Variants in UBAP1 observed in about 807,000 individuals in gnomAD.
The protein encoded by UBAP1 is ubiquitin associated protein 1.
Under a neutral mutation model 39.0 loss-of-function variants are expected in UBAP1, and 5 were observed. The ratio of observed to expected loss-of-function variants is 0.13; its 90% CI spans 0.07 to 0.27. The LOEUF is 0.27. Ranked by LOEUF, UBAP1 falls within the 10% of genes least tolerant of loss-of-function variation. The pLI is 1.00. For synonymous variants in UBAP1, 211 were observed against 225.1 expected (o/e 0.94, Z 0.56); for missense variants, 490 against 608.1 (o/e 0.81, Z 2.04).
chr9:34,203,153 A>G (rs1447893367), intron 1 of UBAP1, among the ~76,000 whole-genome samples: 2 of 152,296 alleles, frequency 1.3e-5, no homozygotes, highest in Non-Finnish European at 2.9e-5. Flanking sequence ...TGGATAAAAC[A>G]TAAATAATCA....
In UBAP1 at chr9:34,205,520, G is replaced by T. The variant is rs191971393; in HGVS notation, c.-7-15388G>T. On this transcript the variant is annotated intron_variant, in intron 1 of 6. Coordinates refer to ENST00000297661, the MANE Select transcript of UBAP1 (RefSeq NM_016525.5). ...TACATGTTAGGTATAATTATTAGTT[G>T]TACAATTAGCTATTAAATTTTCAGA... Among the ~76,000 whole-genome samples the T allele has an allele frequency of 2.0e-5, 3 of 152,172 alleles. No individual in the cohort carries two copies. In the East Asian group the frequency reaches 5.8e-4, roughly 29 times the overall value.
At chr9:34,197,966 G>C (rs1156290694) in intron 1 of UBAP1, among the ~76,000 whole-genome samples, 1 of 152,244 alleles carries the variant, frequency 6.6e-6, no homozygotes, top group Non-Finnish European at 1.5e-5. Context: ...TCACCAGTCA[G>C]CCTAACCTGG....
chr9:34,224,525 T>C (rs1832946400), intron 2 of UBAP1: 2 of 427,712 alleles, frequency 4.7e-6, no homozygotes, highest in Non-Finnish European at 8.2e-6. Flanking sequence ...AATGTTGGTG[T>C]TGGCAGCTGG....
rs779246016 is a variant in UBAP1 at position 34,241,942 on chromosome 9, C to T, written c.917C>T (p.Thr306Ile). 6.2e-7 allele frequency: 1 copy of T among 1,614,206 alleles called. No homozygotes were observed. The highest frequency in any genetic ancestry group is 1.1e-5 in the South Asian group (1 of 91,084). ...TTCCAGAATTCCCTAAAGCCTTCCA[C>T]CCAAAGCAGTGCCAGTGAGCTCAAT... The part of the protein sequence containing the change: ...GTFQNSLKPS[T>I]QSSASELNGH... The change falls in exon 4 of 7, where the codon ACC becomes ATC. Residue 306 changes from threonine (T) to isoleucine (I), a missense_variant. Thr to Ile is a moderately conservative substitution (Grantham distance 89). Transcript: ENST00000297661.
intron 1 of UBAP1, among the ~76,000 whole-genome samples, chr9:34,219,635 T>A (rs1285978377): frequency 6.6e-6 from 1 of 150,808 alleles, no homozygotes; most frequent in African/African-American, 2.4e-5. Flanking sequence ...ATCCCTAATC[T>A]GAAAAAAATG....
At chr9:34,198,998 A>C (rs1329115033) in intron 1 of UBAP1, among the ~76,000 whole-genome samples, 1 of 152,240 alleles carries the variant, frequency 6.6e-6, no homozygotes, top group African/African-American at 2.4e-5. Flanking sequence ...GTGGATAATT[A>C]CTAATTGACA....
chr9:34,194,083 T>C (rs1830885284), intron 1 of UBAP1, among the ~76,000 whole-genome samples: 1 of 152,172 alleles, frequency 6.6e-6, no homozygotes, highest in African/African-American at 2.4e-5. Context: ...TGAAAACCAA[T>C]ATATGTCATA....
rs376362650 is a variant in UBAP1 at position 34,213,838 on chromosome 9, TTAATG to T, written c.-7-7067_-7-7063del. Among the ~76,000 whole-genome samples the T allele has an allele frequency of 8.7e-4, 132 of 151,978 alleles. 4 individuals carry two copies. In the South Asian group the frequency reaches 0.027, roughly 31 times the overall value. On this transcript the variant is annotated intron_variant, in intron 1 of 6. Transcript: ENST00000297661. ...TTCAGCAAAGTTTCTGGATACAAGA[TTAATG>T]TACACAAATCAGAAGCTCTTCTATA...
At chr9:34,192,112 G>C (rs1304561724) in intron 1 of UBAP1, among the ~76,000 whole-genome samples, 2 of 151,224 alleles carry the variant, frequency 1.3e-5, no homozygotes, top group Admixed American at 6.6e-5. Flanking sequence ...CTAAAGTACT[G>C]GGATTACAGG....
intron 1 of UBAP1, among the ~76,000 whole-genome samples, chr9:34,206,722 G>C (rs1831717600): frequency 6.6e-6 from 1 of 152,010 alleles, no homozygotes; most frequent in Non-Finnish European, 1.5e-5. Flanking sequence ...TTCTACATTT[G>C]GTCAGTTGCA....
intron 2 of UBAP1, among the ~76,000 whole-genome samples, chr9:34,226,505 G>A (rs530215893): frequency 6.6e-6 from 1 of 152,224 alleles, no homozygotes; most frequent in East Asian, 1.9e-4. Context: ...CCAAAGTTCT[G>A]GGATTACAGG....
intron 2 of UBAP1, among the ~76,000 whole-genome samples, chr9:34,228,726 T>G (rs2131596905): frequency 6.7e-6 from 1 of 148,494 alleles, no homozygotes; most frequent in South Asian, 2.2e-4. Flanking sequence ...TGCATCACCA[T>G]GCCTAGCTAA....
At chr9:34,197,429 A>T (rs1240432121) in intron 1 of UBAP1, among the ~76,000 whole-genome samples, 1 of 152,182 alleles carries the variant, frequency 6.6e-6, no homozygotes, top group Non-Finnish European at 1.5e-5. Context: ...AGTGAGAGCC[A>T]CTGCACCTGG....
intron 2 of UBAP1, among the ~76,000 whole-genome samples, chr9:34,222,543 A>G (rs1832815739): frequency 1.3e-5 from 2 of 152,014 alleles, no homozygotes; most frequent in Admixed American, 6.6e-5. Context: ...TGTAATCCCA[A>G]CAGTAGATTA....
At chr9:34,248,659 G>C (rs181295181) in intron 4 of UBAP1, among the ~76,000 whole-genome samples, 29 of 152,326 alleles carry the variant, frequency 1.9e-4, no homozygotes, top group Non-Finnish European at 3.4e-4. Flanking sequence ...TGTGCTGTGG[G>C]TGAGATGGTT....
At chr9:34,239,355 T>C (rs528533918) in intron 3 of UBAP1, among the ~76,000 whole-genome samples, 133 of 152,342 alleles carry the variant, frequency 8.7e-4, no homozygotes, top group African/African-American at 3.0e-3. Flanking sequence ...ACTTTGACTG[T>C]CTGGAGTCTC....
chr9:34,224,011 C>A, intron 2 of UBAP1: 1 of 484,106 alleles, frequency 2.1e-6, no homozygotes, highest in Admixed American at 3.4e-5. Context: ...CCTTGATTTT[C>A]CTAAGATAGA....
At chr9:34,205,468 T>C (rs1831632621) in intron 1 of UBAP1, among the ~76,000 whole-genome samples, 3 of 152,318 alleles carry the variant, frequency 2.0e-5, no homozygotes, top group Non-Finnish European at 2.9e-5. Flanking sequence ...TTTAAAGATA[T>C]TGTTTTGTCT....
Position 34,242,009 on chromosome 9 carries a change from T to C in UBAP1, c.984T>C (p.Ser328=). 1 of 1,614,230 alleles carries C rather than the reference T, an allele frequency of 6.2e-7. No homozygotes were observed. Among genetic ancestry groups the C allele is most frequent in the Non-Finnish European group, 8.5e-7 (1 of 1,180,040 alleles). ...TLGLSALNLD[S]GTEMPALTSS... ...GGCTTTCAGCTTTGAACTTGGACAG[T>C]GGCACAGAGATGCCAGCCCTGACAT... The change falls in exon 4 of 7, where the codon AGT becomes AGC. Residue 328 remains serine (S), a synonymous_variant. Transcript: ENST00000297661.
Sources: allele counts gnomAD v4.1 joint callset (sites outside exome capture counted in the v4.1 genomes callset), GRCh38; gene constraint gnomAD v4.1.1; transcripts MANE v1.5; gene names NCBI Gene and HGNC (gene_info 2026-07-23, HGNC 2026-07-21).